The following TOP6BL variants were observed in gnomAD, a reference collection of about 807,000 sequenced individuals.
The protein encoded by TOP6BL is TOP6B like initiator of meiotic double strand breaks.
the TOP6BL span, among the ~76,000 whole-genome samples, chr11:66,764,643 C>T: frequency 0.012 from 1,686 of 143,156 alleles, 33 homozygotes; most frequent in African/African-American, 0.041. Context: ...CCAGCTCGGG[C>T]GACAATGCGA....
chr11:66,796,312 A>G, the TOP6BL span: 2 of 1,610,974 alleles, frequency 1.2e-6, no homozygotes, highest in Non-Finnish European at 8.5e-7. Context: ...TTGATGACAG[A>G]TTGTCTGGTT....
chr11:66,842,984 C>T, the TOP6BL span: 1 of 1,550,534 alleles, frequency 6.4e-7, no homozygotes. Context: ...ACCGCGGCCC[C>T]CCTCACTCCT....
the TOP6BL span, among the ~76,000 whole-genome samples, chr11:66,783,354 C>A: frequency 6.6e-6 from 1 of 152,078 alleles, no homozygotes; most frequent in African/African-American, 2.4e-5. Context: ...AGAACATGAT[C>A]CTGTCTCAGA....
chr11:66,801,921 G>T, the TOP6BL span, among the ~76,000 whole-genome samples: 1 of 152,186 alleles, frequency 6.6e-6, no homozygotes, highest in African/African-American at 2.4e-5. Flanking sequence ...TTGCCTTCCT[G>T]TGCCATTTAA....
the TOP6BL span, among the ~76,000 whole-genome samples, chr11:66,763,023 A>G: frequency 2.0e-5 from 3 of 152,114 alleles, no homozygotes; most frequent in Non-Finnish European, 2.9e-5. Context: ...TGGGCAATAT[A>G]TTGAGACCCC....
chr11:66,745,038 G>A, the TOP6BL span: 1 of 1,048,824 alleles, frequency 9.5e-7, no homozygotes, highest in Non-Finnish European at 1.2e-6. Flanking sequence ...AGGAAGGTTC[G>A]GGAATCGAGG....
At chr11:66,833,349 C>T in the TOP6BL span, among the ~76,000 whole-genome samples, 1 of 152,032 alleles carries the variant, frequency 6.6e-6, no homozygotes, top group Non-Finnish European at 1.5e-5. Flanking sequence ...GGATTTAGGG[C>T]CCACCCTAAA....
At chr11:66,824,420 TTTATTATTA>T in the TOP6BL span, among the ~76,000 whole-genome samples, 35,381 of 140,576 alleles carry the variant, frequency 0.25, 4,538 homozygotes, top group Middle Eastern at 0.32. Context: ...TAATTTTGTA[TTTATTATTA>T]TTATTATTAT....
chr11:66,823,277 A>G, the TOP6BL span, among the ~76,000 whole-genome samples: 1 of 147,840 alleles, frequency 6.8e-6, no homozygotes, highest in South Asian at 2.2e-4. Context: ...CCAGGTGACA[A>G]CAGCGAGACT....
the TOP6BL span, among the ~76,000 whole-genome samples, chr11:66,793,379 C>T: frequency 6.6e-6 from 1 of 151,630 alleles, no homozygotes; most frequent in Non-Finnish European, 1.5e-5. Flanking sequence ...AGGCATGAGC[C>T]ACTGTGCCCA....
chr11:66,779,387 C>A, the TOP6BL span, among the ~76,000 whole-genome samples: 2 of 152,212 alleles, frequency 1.3e-5, no homozygotes, highest in East Asian at 3.9e-4. Flanking sequence ...GACATTTATG[C>A]AGCCAAAAAA....
At chr11:66,789,048 G>T in the TOP6BL span, among the ~76,000 whole-genome samples, 2 of 152,130 alleles carry the variant, frequency 1.3e-5, no homozygotes, top group Non-Finnish European at 2.9e-5. Context: ...TCACTTTGGG[G>T]CTTAGAACTT....
At chr11:66,806,254 T>C in the TOP6BL span, among the ~76,000 whole-genome samples, 1 of 152,222 alleles carries the variant, frequency 6.6e-6, no homozygotes, top group Non-Finnish European at 1.5e-5. Context: ...AAGCCTTTAC[T>C]TCCTCTGCTT....
At chr11:66,756,316 C>A in the TOP6BL span, 1 of 1,184,170 alleles carries the variant, frequency 8.4e-7, no homozygotes, top group African/African-American at 1.6e-5. Flanking sequence ...ATGCTACATA[C>A]AGTTAACCCC....
chr11:66,818,328 C>T, the TOP6BL span, among the ~76,000 whole-genome samples: 1 of 152,156 alleles, frequency 6.6e-6, no homozygotes, highest in Non-Finnish European at 1.5e-5. Context: ...ATGCTGTACA[C>T]ACTAGGAGAG....
chr11:66,770,446 G>A, the TOP6BL span, among the ~76,000 whole-genome samples: 1 of 152,154 alleles, frequency 6.6e-6, no homozygotes. Flanking sequence ...GCTCATGCCT[G>A]TAATACCAGC....
At chr11:66,809,037 C>T in the TOP6BL span, among the ~76,000 whole-genome samples, 7 of 152,152 alleles carry the variant, frequency 4.6e-5, no homozygotes, top group East Asian at 3.9e-4. Context: ...CTCCGCCTCC[C>T]GGGTTCATGC....
the TOP6BL span, chr11:66,816,186 A>G: frequency 6.2e-7 from 1 of 1,609,548 alleles, no homozygotes; most frequent in African/African-American, 1.3e-5. Context: ...CAGTCCAGCA[A>G]ATGGAAATCT....
At chr11:66,748,596 A>T in the TOP6BL span, 1 of 1,125,430 alleles carries the variant, frequency 8.9e-7, no homozygotes, top group Non-Finnish European at 1.2e-6. Context: ...TTTCAATTAG[A>T]ATCTTTTATC....
Sources: gnomAD v4.1 joint callset for allele counts (sites outside exome capture counted in the v4.1 genomes callset) on GRCh38, gnomAD v4.1.1 for gene constraint, MANE v1.5 for transcripts, NCBI Gene and HGNC (gene_info 2026-07-23, HGNC 2026-07-21) for gene names.